LRRC4C: variants seen among roughly 807,000 people sequenced by gnomAD.
The protein encoded by LRRC4C is leucine rich repeat containing 4C, also known as leucine-rich repeat-containing protein 4C.
A neutral mutation model predicts 33.6 loss-of-function variants in LRRC4C; 5 were observed. That is an observed-to-expected ratio of 0.15 (90% CI 0.08 to 0.31). The LOEUF (loss-of-function observed/expected upper bound fraction) is 0.31, where lower values mean the gene tolerates loss of function less well. Among genes scored for constraint, LRRC4C ranks in the 10% least tolerant of loss-of-function variants. LRRC4C has a pLI of 1.00. For synonymous variants in LRRC4C, 329 were observed against 302.0 expected (o/e 1.09, Z -0.93); for missense variants, 560 against 796.7 (o/e 0.70, Z 3.58).
At chr11:41,370,057 A>G (rs2137769818) in intron 1 of LRRC4C, among the ~76,000 whole-genome samples, 1 of 152,318 alleles carries the variant, frequency 6.6e-6, no homozygotes, top group Non-Finnish European at 1.5e-5. Context: ...ACGGAAAAGC[A>G]TTTCCTTAGA....
intron 1 of LRRC4C, among the ~76,000 whole-genome samples, chr11:41,311,606 A>C (rs546462746): frequency 6.6e-6 from 1 of 152,334 alleles, no homozygotes; most frequent in East Asian, 1.9e-4. Flanking sequence ...TAATGACTTA[A>C]CCAGGAAATA....
chr11:40,849,522 A>G (rs1953371911), intron 2 of LRRC4C, among the ~76,000 whole-genome samples: 1 of 152,156 alleles, frequency 6.6e-6, no homozygotes, highest in African/African-American at 2.4e-5. Flanking sequence ...TGTTAGTCTG[A>G]TGGGCTTCTT....
At chr11:40,588,705 T>A (rs1017893042) in intron 3 of LRRC4C, among the ~76,000 whole-genome samples, 7 of 152,302 alleles carry the variant, frequency 4.6e-5, no homozygotes, top group African/African-American at 1.7e-4. Context: ...TCAAAGAACA[T>A]CTTTATTTCT....
At position 41,132,171 on chromosome 11, in the gene LRRC4C, C is replaced by T. The variant is rs139090240; in HGVS notation, c.-495-198448G>A. On this transcript the variant is annotated intron_variant, in intron 1 of 6. Coordinates refer to ENST00000528697, the MANE Select transcript of LRRC4C (RefSeq NM_001258419.2). ...TCAGACCCTTTTCCAGTAACAATAT[C>T]TTTCACAGAATTTAGCATGAAGAAA... 8.1e-3 allele frequency among the ~76,000 whole-genome samples: 1,226 copies of T among 152,204 alleles called. 9 individuals carry two copies. The highest frequency in any genetic ancestry group is 0.013 in the Admixed American group (192 of 15,268).
chr11:40,766,763 T>TA (rs1435846576), intron 2 of LRRC4C, among the ~76,000 whole-genome samples: 12 of 144,840 alleles, frequency 8.3e-5, no homozygotes, highest in African/African-American at 3.1e-4. Flanking sequence ...TAAATTCAAA[T>TA]AAAAAACCTA....
chr11:41,308,254 T>C (rs970566850), intron 1 of LRRC4C, among the ~76,000 whole-genome samples: 1 of 152,294 alleles, frequency 6.6e-6, no homozygotes, highest in South Asian at 2.1e-4. Context: ...TTTTTTTCAC[T>C]CTGGAGAAAA....
chr11:40,951,821 T>C (rs1958703995), intron 1 of LRRC4C, among the ~76,000 whole-genome samples: 2 of 151,950 alleles, frequency 1.3e-5, no homozygotes, highest in Non-Finnish European at 2.9e-5. Context: ...AGTCAGTCAC[T>C]TTTTATTGAG....
At chr11:40,947,944 C>A (rs1958483888) in intron 1 of LRRC4C, among the ~76,000 whole-genome samples, 1 of 152,246 alleles carries the variant, frequency 6.6e-6, no homozygotes, top group South Asian at 2.1e-4. Flanking sequence ...GCTTGACTAC[C>A]ATTGTGTTGA....
chr11:40,911,179 G>A (rs565484588), intron 2 of LRRC4C, among the ~76,000 whole-genome samples: 64 of 152,326 alleles, frequency 4.2e-4, no homozygotes, highest in African/African-American at 1.4e-3. Flanking sequence ...GTCCCTGTCT[G>A]ACAGCTTGGA....
chr11:41,034,735 C>T (rs993884016), intron 1 of LRRC4C, among the ~76,000 whole-genome samples: 3 of 147,460 alleles, frequency 2.0e-5, no homozygotes, highest in African/African-American at 5.0e-5. Context: ...AGCATAGCGG[C>T]TATACAGTCT....
At chr11:41,414,729 A>G (rs1030306999) in intron 1 of LRRC4C, among the ~76,000 whole-genome samples, 1 of 152,068 alleles carries the variant, frequency 6.6e-6, no homozygotes, top group African/African-American at 2.4e-5. Flanking sequence ...TTCTTCCTCA[A>G]CTCGAGAAAG....
intron 2 of LRRC4C, among the ~76,000 whole-genome samples, chr11:40,824,925 A>G (rs1952094404): frequency 6.6e-6 from 1 of 151,934 alleles, no homozygotes; most frequent in Non-Finnish European, 1.5e-5. Flanking sequence ...CCACACTGCC[A>G]CAGCTGGTCA....
At chr11:40,415,543 G>T (rs556741253) in intron 3 of LRRC4C, among the ~76,000 whole-genome samples, 1 of 152,186 alleles carries the variant, frequency 6.6e-6, no homozygotes, top group African/African-American at 2.4e-5. Context: ...ACAATGACTG[G>T]GTAAACTAGC....
intron 3 of LRRC4C, among the ~76,000 whole-genome samples, chr11:40,347,638 C>T (rs895093341): frequency 5.3e-5 from 8 of 152,154 alleles, no homozygotes; most frequent in Admixed American, 3.3e-4. Flanking sequence ...GACGGAGTTT[C>T]GCTCTTGTTG....
chr11:40,822,008 T>C (rs1951949081), intron 2 of LRRC4C, among the ~76,000 whole-genome samples: 1 of 151,822 alleles, frequency 6.6e-6, no homozygotes, highest in East Asian at 1.9e-4. Context: ...TTTCTTTATG[T>C]TGGAGATATT....
At chr11:40,462,261 C>T (rs56863698) in intron 3 of LRRC4C, among the ~76,000 whole-genome samples, 6,190 of 152,054 alleles carry the variant, frequency 0.041, 404 homozygotes, top group African/African-American at 0.14. Flanking sequence ...ATAGAAACAA[C>T]TACATCAATT....
intron 5 of LRRC4C, among the ~76,000 whole-genome samples, chr11:40,208,699 C>T (rs1287057677): frequency 6.6e-6 from 1 of 151,936 alleles, no homozygotes; most frequent in Non-Finnish European, 1.5e-5. Flanking sequence ...CAAGTATTGC[C>T]CCAGATACCT....
At chr11:40,561,408 C>CT (rs549919738) in intron 3 of LRRC4C, among the ~76,000 whole-genome samples, 41,484 of 100,504 alleles carry the variant, frequency 0.41, 8,826 homozygotes, top group African/African-American at 0.49. Flanking sequence ...CTGAGGATTC[C>CT]TTTTTTTTTT....
At chr11:40,512,638 A>G (rs920429191) in intron 3 of LRRC4C, among the ~76,000 whole-genome samples, 2 of 152,178 alleles carry the variant, frequency 1.3e-5, no homozygotes, top group Admixed American at 1.3e-4. Flanking sequence ...TCTCCTCTCC[A>G]TATGGATCAT....
Sources: gnomAD v4.1 joint callset for allele counts (sites outside exome capture counted in the v4.1 genomes callset) on GRCh38, gnomAD v4.1.1 for gene constraint, MANE v1.5 for transcripts, NCBI Gene and HGNC (gene_info 2026-07-23, HGNC 2026-07-21) for gene names.